DAB2IP: variants seen among roughly 807,000 people sequenced by gnomAD.
DAB2IP encodes disabled homolog 2-interacting protein.
In DAB2IP, 28 loss-of-function variants were observed where a neutral mutation model predicts 107.2. That is an observed-to-expected ratio of 0.26 (90% CI 0.19 to 0.36). The LOEUF (loss-of-function observed/expected upper bound fraction) is 0.36. Among genes scored for constraint, DAB2IP ranks in the 10% least tolerant of loss-of-function variants. The pLI is 1.00. For missense variants in DAB2IP, 1,400 were observed against 1,644.7 expected (o/e 0.85, Z 2.57); for synonymous variants, 755 against 706.4 (o/e 1.07, Z -1.09).
chr9:121,773,276 G>A, exon 12 of DAB2IP: 1 of 1,535,886 alleles, frequency 6.5e-7, no homozygotes, highest in Non-Finnish European at 8.8e-7. Flanking sequence ...CCCAGAGGAG[G>A]ATCGACCAGC....
chr9:121,758,700 T>C (rs1833663805), intron 4 of DAB2IP, among the ~76,000 whole-genome samples, 198 bp from the exon 5 acceptor site: 1 of 152,202 alleles, frequency 6.6e-6, no homozygotes, highest in Non-Finnish European at 1.5e-5. Flanking sequence ...TGACTTGCCC[T>C]GGGACAGTGG....
chr9:121,689,875 G>T (rs986478567), intron 2 of DAB2IP, among the ~76,000 whole-genome samples: 1 of 152,260 alleles, frequency 6.6e-6, no homozygotes, highest in African/African-American at 2.4e-5. Context: ...CTGAGTCACA[G>T]AGCAGCTTAG....
chr9:121,699,557 C>T lies in DAB2IP; in HGVS notation c.362+99C>T, dbSNP rs1468725797. ...CGCGAGCCCGGCCCGGGGCGAGCCA[C>T]ACGGCGGTGGGGGGACCCCACGCCG... On this transcript the variant is annotated intron_variant, in intron 3 of 15. Transcript: ENST00000408936. The surrounding 1 kb of genome is among the most constrained non-coding windows in gnomAD (Gnocchi z 6.2). 1 of 1,083,324 alleles carries T rather than the reference C, an allele frequency of 9.2e-7. No homozygotes were observed. Among genetic ancestry groups the T allele is most frequent in the Non-Finnish European group, 1.1e-6 (1 of 879,164 alleles). 67.1% of individuals were successfully genotyped at this position (1,083,324 alleles called of 1,614,324 possible). A position where few individuals can be genotyped will look rare whatever the true frequency, so the allele number is the denominator to read the frequency against.
At chr9:121,640,564 C>A (rs982027340) in intron 1 of DAB2IP, among the ~76,000 whole-genome samples, 9 of 151,520 alleles carry the variant, frequency 5.9e-5, no homozygotes, top group Non-Finnish European at 1.0e-4. Flanking sequence ...CACCTCCCCC[C>A]ACACCATGTC....
In DAB2IP at chr9:121,651,842, C is replaced by G. The variant is rs1334023579; in HGVS notation, c.67C>G (p.Arg23Gly). ...CTCCTACTACTACCGGCTGCTGAGG[C>G]GGCCCCGGCTGCAGCGACAGAGGAG... Residue 23 changes from arginine (R) to glycine (G), a missense_variant, in exon 1 of 16, where the codon CGG becomes GGG. Arg to Gly is a moderately radical substitution (Grantham distance 125). This residue lies in a region of DAB2IP where 283 missense variants were observed against 237.0 expected (regional missense o/e 1.19). Transcript: ENST00000408936. This position sits in a 1 kb window ranked among gnomAD's most constrained non-coding sequence, Gnocchi z 5.1. 4 of 1,471,280 alleles carry G rather than the reference C, an allele frequency of 2.7e-6. No individual in the cohort carries two copies. The Admixed American group carries it at 6.5e-5, about 24-fold the overall frequency. The allele number at this position is 1,471,280 out of a possible 1,614,324, so 91.1% of individuals were successfully genotyped here.
intron 1 of DAB2IP, among the ~76,000 whole-genome samples, chr9:121,587,056 T>C (rs1344884696): frequency 6.6e-6 from 1 of 152,186 alleles, no homozygotes; most frequent in Non-Finnish European, 1.5e-5. Context: ...TGATGCTTTC[T>C]TAACAGTCTC....
In DAB2IP at chr9:121,736,040, G is replaced by C. The variant is rs1014765407; in HGVS notation, c.363-20973G>C. On this transcript the variant is annotated intron_variant, in intron 3 of 15. Transcript: ENST00000408936. The surrounding 1 kb of genome is among the most constrained non-coding windows in gnomAD (Gnocchi z 4.6). ...GTGCTTTCCAGAAGAGAAAACCCGG[G>C]ACTGCTGCCTGGGAACCCAGTGCCC... Among the ~76,000 whole-genome samples the C allele has an allele frequency of 7.2e-5, 11 of 152,232 alleles. No homozygotes were observed. The highest frequency in any genetic ancestry group is 2.7e-4 in the African/African-American group (11 of 41,462).
intron 3 of DAB2IP, among the ~76,000 whole-genome samples, chr9:121,756,678 G>A (rs772959677): frequency 7.2e-5 from 11 of 152,252 alleles, no homozygotes; most frequent in African/African-American, 2.4e-4. Context: ...TGGGTCAGGC[G>A]GGCTTTCCTT....
chr9:121,753,832 C>T lies in DAB2IP; in HGVS notation c.363-3181C>T, dbSNP rs369291630. 5.9e-5 allele frequency among the ~76,000 whole-genome samples: 9 copies of T among 152,278 alleles called. No individual in the cohort carries two copies. The East Asian group carries it at 1.4e-3, about 23-fold the overall frequency. Reference sequence around the variant, plus strand: ...CTTCCCTCCTTTCACCTGAGCGTCCCGGGTAGGGAAGCTGAGCCTATCCCT... The same window carrying T: ...CTTCCCTCCTTTCACCTGAGCGTCCTGGGTAGGGAAGCTGAGCCTATCCCT... On this transcript the variant is annotated intron_variant, in intron 3 of 15. Coordinates refer to ENST00000408936, the Ensembl canonical transcript of DAB2IP.
chr9:121,602,967 CA>C (rs1176430774), intron 1 of DAB2IP, among the ~76,000 whole-genome samples: 25 of 152,326 alleles, frequency 1.6e-4, no homozygotes, highest in Middle Eastern at 6.8e-3. Context: ...CTCAGCCTCC[CA>C]AAGTGCTGGG....
chr9:121,719,165 G>A (rs1006767676), intron 3 of DAB2IP, among the ~76,000 whole-genome samples: 6 of 152,156 alleles, frequency 3.9e-5, no homozygotes, highest in African/African-American at 1.4e-4. Context: ...AAGCCCATTC[G>A]CAAGGCCTTA....
chr9:121,624,569 CT>C (rs898157424), intron 1 of DAB2IP, among the ~76,000 whole-genome samples: 1 of 152,216 alleles, frequency 6.6e-6, no homozygotes, highest in Non-Finnish European at 1.5e-5. Flanking sequence ...CTGTATTTTT[CT>C]GTGTTTACAT....
chr9:121,738,800 T>G (rs1175332381), intron 3 of DAB2IP, among the ~76,000 whole-genome samples: 1 of 152,254 alleles, frequency 6.6e-6, no homozygotes, highest in Non-Finnish European at 1.5e-5. Flanking sequence ...TTTTTGCATC[T>G]TGATTTCATC....
intron 1 of DAB2IP, among the ~76,000 whole-genome samples, chr9:121,591,505 G>T (rs976507178): frequency 1.3e-5 from 2 of 152,102 alleles, no homozygotes; most frequent in East Asian, 1.9e-4. Flanking sequence ...TGGGGAGATG[G>T]GTAGGACCTG....
rs1471448896 is a variant in DAB2IP, at chr9:121,768,742, A to C, written c.1899+109A>C. 3 of 1,386,682 alleles carry C rather than the reference A, an allele frequency of 2.2e-6. No homozygotes were observed. The African/African-American group carries it at 4.3e-5, about 20-fold the overall frequency. The allele number at this position is 1,386,682 out of a possible 1,614,324, so 85.9% of individuals were successfully genotyped here. A position where few individuals can be genotyped will look rare whatever the true frequency, so the allele number is the denominator to read the frequency against. On this transcript the variant is annotated intron_variant, in intron 10 of 15. Coordinates refer to ENST00000408936, the Ensembl canonical transcript of DAB2IP. The stretch of plus-strand genomic sequence containing the variant: ...GCAGAGAGTTTGCCCAAGTGGCATG[A>C]TCAGGCCAGGTCCTGTCAGAACACA...
intron 4 of DAB2IP, 122 bp from the exon 5 acceptor site, chr9:121,758,776 C>T: frequency 1.8e-5 from 15 of 812,586 alleles, no homozygotes; most frequent in Non-Finnish European, 2.7e-5. Flanking sequence ...CTGGCTCCTT[C>T]CTGAAGCTGT....
At chr9:121,693,312 C>T (rs771209764) in intron 2 of DAB2IP, among the ~76,000 whole-genome samples, 12 of 152,186 alleles carry the variant, frequency 7.9e-5, no homozygotes, top group Non-Finnish European at 1.6e-4. Context: ...GCAGGACCCC[C>T]ACCACCCCCA....
At chr9:121,672,402 G>A (rs961082421) in intron 1 of DAB2IP, among the ~76,000 whole-genome samples, 4 of 152,212 alleles carry the variant, frequency 2.6e-5, no homozygotes, top group African/African-American at 9.6e-5. Flanking sequence ...TGTTCCTCAG[G>A]CCGCCGTGTT....
intron 1 of DAB2IP, among the ~76,000 whole-genome samples, chr9:121,666,632 C>T (rs1303207128): frequency 1.3e-5 from 2 of 152,020 alleles, no homozygotes; most frequent in Non-Finnish European, 2.9e-5. Context: ...AGCATGAGGA[C>T]AAATACCTAA....
Sources: allele counts gnomAD v4.1 joint callset (sites outside exome capture counted in the v4.1 genomes callset), GRCh38; gene constraint gnomAD v4.1.1; regional missense constraint gnomAD v4.1.1; non-coding constraint Gnocchi (gnomAD v3.1); transcripts MANE v1.5; gene names NCBI Gene and HGNC (gene_info 2026-07-23, HGNC 2026-07-21).